The following RAPGEF4 variants were observed in gnomAD, a reference collection of about 807,000 sequenced individuals.
The protein encoded by RAPGEF4 is RAP guanine-nucleotide-exchange factor (GEF) 4.
In RAPGEF4, 66 loss-of-function variants were observed where a neutral mutation model predicts 147.9. That is an observed-to-expected ratio of 0.45 (90% confidence interval 0.37 to 0.55). The LOEUF (loss-of-function observed/expected upper bound fraction) is 0.55, where lower values mean the gene tolerates loss of function less well. Among genes scored for constraint, RAPGEF4 ranks in the 20% least tolerant of loss-of-function variants. RAPGEF4 has a pLI of 0.00. For synonymous variants in RAPGEF4, 419 were observed against 442.7 expected (o/e 0.95, Z 0.67); for missense variants, 1,071 against 1,257.3 (o/e 0.85, Z 2.24).
Position 172,905,139 on chromosome 2 carries a change from A to G in RAPGEF4, c.445-12663A>G, listed in dbSNP as rs573288771. 7.2e-5 allele frequency among the ~76,000 whole-genome samples: 11 copies of G among 152,030 alleles called. No individual in the cohort carries two copies. In the South Asian group the frequency reaches 1.3e-3, roughly 17 times the overall value. On this transcript the variant is annotated intron_variant, in intron 4 of 30. Coordinates refer to ENST00000397081, the MANE Select transcript of RAPGEF4 (RefSeq NM_007023.4). ...CCAAGCCTCCTCAGCCTCAGATTCA[A>G]TATCATTTCTCTGACTCCCAAATCT...
intron 4 of RAPGEF4, among the ~76,000 whole-genome samples, chr2:172,891,219 G>A (rs1351347116): frequency 1.3e-5 from 2 of 152,092 alleles, no homozygotes; most frequent in Non-Finnish European, 2.9e-5. Flanking sequence ...CTGTGTGACT[G>A]CACAGATCTC....
intron 3 of RAPGEF4, among the ~76,000 whole-genome samples, chr2:172,803,362 A>C (rs1687163503): frequency 6.6e-6 from 1 of 152,152 alleles, no homozygotes; most frequent in Non-Finnish European, 1.5e-5. Flanking sequence ...TCAACACCAC[A>C]TGGAAGCTGC....
intron 2 of RAPGEF4, 57 bp downstream of exon 2, chr2:172,795,224 T>C: frequency 6.6e-7 from 1 of 1,524,094 alleles, no homozygotes; most frequent in South Asian, 1.2e-5. Context: ...TGATTTGTGG[T>C]TACTTTATGG....
rs776678347 is a variant in RAPGEF4 at position 172,937,536 on chromosome 2, G to A, written c.537+15236G>A. ...ATCATATCAAGAATATATACTATTAGTATGACTTATCACTGTTGATGTTGA... is the reference window on the plus strand; with the variant it reads ...ATCATATCAAGAATATATACTATTAATATGACTTATCACTGTTGATGTTGA... On this transcript the variant is annotated intron_variant, in intron 6 of 30. Transcript: ENST00000397081. 3.5e-4 allele frequency among the ~76,000 whole-genome samples: 53 copies of A among 152,254 alleles called. 1 individual carries two copies. The highest frequency in any genetic ancestry group is 4.4e-4 in the Non-Finnish European group (30 of 68,020).
chr2:172,933,950 T>A (rs909746891), intron 6 of RAPGEF4, among the ~76,000 whole-genome samples: 16 of 152,172 alleles, frequency 1.1e-4, no homozygotes, highest in Non-Finnish European at 1.8e-4. Context: ...GGCTATGGCC[T>A]GCTTGAAACA....
At position 172,747,364 on chromosome 2, in the gene RAPGEF4, A is replaced by C. The variant is rs367676381; in HGVS notation, c.65+11316A>C. 9.2e-5 allele frequency among the ~76,000 whole-genome samples: 14 copies of C among 152,376 alleles called. No individual in the cohort carries two copies. The South Asian group carries it at 1.2e-3, about 14-fold the overall frequency. On this transcript the variant is annotated intron_variant, in intron 1 of 30. Transcript: ENST00000397081. ...TATGTGTGTGTGGTGAGAACACTTA[A>C]GATCTACTCTCTTAGCAAATTGCAG... is the stretch of plus-strand genomic sequence containing the variant.
chr2:172,873,083 G>A (rs1464953455), intron 4 of RAPGEF4, among the ~76,000 whole-genome samples: 1 of 152,152 alleles, frequency 6.6e-6, no homozygotes, highest in Admixed American at 6.6e-5. Flanking sequence ...TGCAACTTTG[G>A]AGGACAGAGT....
At chr2:173,017,619 C>A in intron 21 of RAPGEF4, 115 bp downstream of exon 21, 1 of 1,023,598 alleles carries the variant, frequency 9.8e-7, no homozygotes, top group Non-Finnish European at 1.4e-6. Flanking sequence ...TGTTGCCCTC[C>A]AGATGGTTTG....
chr2:172,890,418 A>T (rs1697770565), intron 4 of RAPGEF4, among the ~76,000 whole-genome samples: 1 of 152,222 alleles, frequency 6.6e-6, no homozygotes, highest in Non-Finnish European at 1.5e-5. Flanking sequence ...TTCGCAAGGA[A>T]GTTAGGCTTT....
chr2:172,955,467 G>A (rs1688627867), intron 6 of RAPGEF4, among the ~76,000 whole-genome samples: 1 of 152,168 alleles, frequency 6.6e-6, no homozygotes, highest in Non-Finnish European at 1.5e-5. Context: ...GCCAAGAAAA[G>A]CAGAAAGAAA....
At chr2:172,981,307 A>G (rs1691656565) in intron 10 of RAPGEF4, among the ~76,000 whole-genome samples, 1 of 152,222 alleles carries the variant, frequency 6.6e-6, no homozygotes, top group African/African-American at 2.4e-5. Context: ...AGACTTTCGC[A>G]TTAGCTGCCT....
chr2:172,744,253 A>G (rs906219633), intron 1 of RAPGEF4: 1 of 297,176 alleles, frequency 3.4e-6, no homozygotes, highest in Non-Finnish European at 6.7e-6. Flanking sequence ...AGTCTGGAAA[A>G]CATGATATAG....
chr2:172,858,724 G>A (rs1369562989), intron 4 of RAPGEF4, among the ~76,000 whole-genome samples: 1 of 152,170 alleles, frequency 6.6e-6, no homozygotes, highest in African/African-American at 2.4e-5. Context: ...GTATAACCAA[G>A]TTTTAGAGCA....
intron 4 of RAPGEF4, among the ~76,000 whole-genome samples, chr2:172,858,421 GA>G (rs1235032292): frequency 6.6e-6 from 1 of 152,106 alleles, no homozygotes; most frequent in Non-Finnish European, 1.5e-5. Flanking sequence ...TGTGCTCCTG[GA>G]ATTCTCTCAG....
At chr2:172,925,587 T>TACACAC (rs10534191) in intron 6 of RAPGEF4, among the ~76,000 whole-genome samples, 2 of 146,990 alleles carry the variant, frequency 1.4e-5, no homozygotes, top group African/African-American at 5.0e-5. Flanking sequence ...ACTCTGTCTG[T>TACACAC]ACACACACAC....
chr2:172,918,152 G>T, intron 5 of RAPGEF4: 1 of 537,048 alleles, frequency 1.9e-6, no homozygotes, highest in Non-Finnish European at 3.5e-6. Flanking sequence ...ATCTTATAGT[G>T]AAATCCAGTG....
chr2:172,852,395 A>G (rs12612612), intron 4 of RAPGEF4, among the ~76,000 whole-genome samples: 28,205 of 152,090 alleles, frequency 0.19, 2,820 homozygotes, highest in East Asian at 0.36. Context: ...CTCAGATTTT[A>G]TATTTAGATT....
intron 6 of RAPGEF4, among the ~76,000 whole-genome samples, chr2:172,947,880 A>G (rs1033864815): frequency 6.6e-6 from 1 of 152,162 alleles, no homozygotes; most frequent in African/African-American, 2.4e-5. Flanking sequence ...CATTTTCACA[A>G]ATGCAGTCAT....
At chr2:172,839,265 G>A (rs531458873) in intron 4 of RAPGEF4, among the ~76,000 whole-genome samples, 5 of 152,110 alleles carry the variant, frequency 3.3e-5, no homozygotes, top group Non-Finnish European at 2.9e-5. Flanking sequence ...AATTCAGGGC[G>A]AGTCTGCAGT....
Sources: allele counts gnomAD v4.1 joint callset (sites outside exome capture counted in the v4.1 genomes callset), GRCh38; gene constraint gnomAD v4.1.1; transcripts MANE v1.5; gene names NCBI Gene and HGNC (gene_info 2026-07-23, HGNC 2026-07-21).